The following ZNF510 variants were observed in gnomAD, a reference collection of about 807,000 sequenced individuals.
The protein encoded by ZNF510 is zinc finger protein 510.
Under a neutral mutation model 18.1 loss-of-function variants are expected in ZNF510, and 15 were observed. The observed-to-expected ratio is 0.83, with a 90% CI of 0.55 to 1.28. The LOEUF (loss-of-function observed/expected upper bound fraction) is 1.28, where lower values mean the gene tolerates loss of function less well. Ranked by LOEUF, ZNF510 falls within the 50% of genes most tolerant of loss-of-function variation. The pLI, the probability that ZNF510 is intolerant of heterozygous loss-of-function variation, is 0.00. For missense variants in ZNF510, 724 were observed against 791.8 expected (o/e 0.91, Z 1.03); for synonymous variants, 261 against 266.4 (o/e 0.98, Z 0.20).
chr9:96,757,014 C>A lies in ZNF510; in HGVS notation c.*1764G>T, dbSNP rs1225340832. On this transcript the variant is annotated 3_prime_UTR_variant, in exon 6 of 6. Transcript: ENST00000223428. ...CATAACTGTAGTATACTCTACTGGC[C>A]CAAAGTACCTCACCCATAAAGTTAT... is the stretch of plus-strand genomic sequence containing the variant. 1.3e-5 allele frequency: 2 copies of A among 152,180 alleles called. No homozygotes were observed. The highest frequency in any genetic ancestry group is 3.8e-4 in the East Asian group (2 of 5,196). The allele number at this position is 152,180 out of a possible 1,614,324, so 9.4% of individuals were successfully genotyped here. A position where few individuals can be genotyped will look rare whatever the true frequency, so the allele number is the denominator to read the frequency against.
chr9:96,776,370 C>T, intron 1 of ZNF510, 125 bp from the exon 2 acceptor site: 1 of 330,678 alleles, frequency 3.0e-6, no homozygotes, highest in Non-Finnish European at 5.5e-6. Flanking sequence ...CCATTTTGGG[C>T]TGGATAATCC....
Position 96,758,996 on chromosome 9 carries a change from T to G in ZNF510, c.1834A>C (p.Lys612Gln), listed in dbSNP as rs1260618089. The G allele has an allele frequency of 2.5e-6, 4 of 1,613,882 alleles. No individual in the cohort carries two copies. The highest frequency in any genetic ancestry group is 3.4e-6 in the Non-Finnish European group (4 of 1,179,952). The change falls in exon 6 of 6, where the codon AAA becomes CAA. Residue 612 changes from lysine to glutamine, a missense_variant. Lys to Gln is a moderately conservative substitution (Grantham distance 53, BLOSUM62 1). Transcript: ENST00000223428. ...CTCTGATGATCACTAAGGATTGCTT[T>G]CCGGACAAATTTCTTCCCACATTCA... ...CNECGKKFVRKAILSDHQRIH... is the reference protein window; with the variant it reads ...CNECGKKFVRQAILSDHQRIH...
intron 3 of ZNF510, among the ~76,000 whole-genome samples, chr9:96,770,114 A>C (rs1849555145): frequency 6.6e-6 from 1 of 152,228 alleles, no homozygotes. Flanking sequence ...TTGTACATGA[A>C]TGTTAATAGC....
chr9:96,764,116 G>T (rs1436340036), intron 3 of ZNF510, among the ~76,000 whole-genome samples: 1 of 151,992 alleles, frequency 6.6e-6, no homozygotes, highest in African/African-American at 2.4e-5. Context: ...GTTTATAAAT[G>T]ATCTATATAT....
At chr9:96,772,474 C>T (rs12337156) in intron 3 of ZNF510, among the ~76,000 whole-genome samples, 17,742 of 152,030 alleles carry the variant, frequency 0.12, 2,955 homozygotes, top group African/African-American at 0.37. Flanking sequence ...CCAAGAACAT[C>T]AGTAATGCAC....
intron 3 of ZNF510, among the ~76,000 whole-genome samples, chr9:96,765,716 T>C (rs1849453748): frequency 6.6e-6 from 1 of 152,174 alleles, no homozygotes; most frequent in East Asian, 1.9e-4. Context: ...TTTCACCATG[T>C]TGGCCATGAT....
At chr9:96,762,599 G>C (rs528049574) in intron 5 of ZNF510, among the ~76,000 whole-genome samples, 1 of 152,014 alleles carries the variant, frequency 6.6e-6, no homozygotes, top group Non-Finnish European at 1.5e-5. Flanking sequence ...CAGTGGATAA[G>C]GGTGTCTAAC....
chr9:96,769,241 C>A (rs1849536788), intron 3 of ZNF510, among the ~76,000 whole-genome samples: 1 of 152,016 alleles, frequency 6.6e-6, no homozygotes, highest in Admixed American at 6.6e-5. Flanking sequence ...TCATGACCAG[C>A]CTGGTCAACA....
In ZNF510 at chr9:96,760,257, A is replaced by G. The variant is rs1849313186; in HGVS notation, c.573T>C (p.Ile191=). The change falls in exon 6 of 6, where the codon ATT becomes ATC. Residue 191 remains isoleucine, a synonymous_variant. Coordinates refer to ENST00000223428, the MANE Select transcript of ZNF510 (RefSeq NM_014930.3). The part of the protein sequence containing the change: ...VNLQSISEFI[I]NNRNYSTKKI... ...TCTTTGTTGAATAGTTTCTATTATTAATGATAAATTCAGAAATACTTTGCA... is the reference window on the plus strand; with the variant it reads ...TCTTTGTTGAATAGTTTCTATTATTGATGATAAATTCAGAAATACTTTGCA... 2 of 1,612,746 alleles carry G rather than the reference A, an allele frequency of 1.2e-6. No homozygotes were observed. The highest frequency in any genetic ancestry group is 1.7e-6 in the Non-Finnish European group (2 of 1,179,316).
Position 96,758,822 on chromosome 9 carries a change from G to C in ZNF510, c.2008C>G (p.Leu670Val). Residue 670 changes from leucine (L) to valine (V), a missense_variant, in exon 6 of 6, where the codon CTA becomes GTA. Physicochemically the swap from Leu to Val is conservative, Grantham distance 32. Coordinates refer to ENST00000223428, the MANE Select transcript of ZNF510 (RefSeq NM_014930.3). ...CCCTGAATTTTCTGGTATAAGCTTA[G>C]GGTAGACTTCTTACATAATTTCCCA... is the stretch of plus-strand genomic sequence containing the variant. ...EYGKLCKKST[L>V]SLYQKIQGEG... The C allele has an allele frequency of 6.2e-7, 1 of 1,611,282 alleles. No homozygotes were observed. The highest frequency in any genetic ancestry group is 8.5e-7 in the Non-Finnish European group (1 of 1,178,400).
intron 3 of ZNF510, among the ~76,000 whole-genome samples, chr9:96,772,249 CA>C (rs1431828287): frequency 1.3e-5 from 2 of 152,052 alleles, no homozygotes; most frequent in East Asian, 3.8e-4. Context: ...CACCTTATAC[CA>C]AACACAAAAG....
Position 96,760,161 on chromosome 9 carries a change from C to A in ZNF510, c.669G>T (p.Glu223Asp), listed in dbSNP as rs779343485. Residue 223 changes from glutamate (E) to aspartate (D), a missense_variant, in exon 6 of 6, where the codon GAG becomes GAT. Transcript: ENST00000223428. ...TGTTTTTATTATGTTCATAAAATTTCTCTCCAGTCTGAGTTTTCTCAAAGT... is the reference window on the plus strand; with the variant it reads ...TGTTTTTATTATGTTCATAAAATTTATCTCCAGTCTGAGTTTTCTCAAAGT... ...KINFEKTQTG[E>D]KFYEHNKNMK... 1.2e-6 allele frequency: 2 copies of A among 1,612,236 alleles called. No individual in the cohort carries two copies. Among genetic ancestry groups the A allele is most frequent in the Admixed American group, 1.7e-5 (1 of 59,738 alleles).
chr9:96,772,597 T>G (rs10118931), intron 3 of ZNF510, among the ~76,000 whole-genome samples: 9,013 of 152,056 alleles, frequency 0.059, 868 homozygotes, highest in African/African-American at 0.2. Context: ...TAAAAAGAAA[T>G]GATGTCTAAA....
intron 3 of ZNF510, among the ~76,000 whole-genome samples, chr9:96,774,278 C>T (rs1042035744): frequency 2.6e-5 from 4 of 152,202 alleles, no homozygotes; most frequent in Non-Finnish European, 5.9e-5. Flanking sequence ...TCTACCTGAA[C>T]GTCTGTTTCC....
chr9:96,775,013 ATC>A (rs1178436717), intron 2 of ZNF510, among the ~76,000 whole-genome samples, 167 bp from the exon 3 acceptor site: 1 of 151,838 alleles, frequency 6.6e-6, no homozygotes, highest in African/African-American at 2.4e-5. Context: ...GAATATGTGC[ATC>A]TTTAATATGA....
chr9:96,758,861 C>G lies in ZNF510; in HGVS notation c.1969G>C (p.Glu657Gln). Residue 657 changes from glutamate (E) to glutamine (Q), a missense_variant, in exon 6 of 6, where the codon GAA (glutamate) becomes CAA (glutamine). Transcript: ENST00000223428. ...CATAATTTCCCATATTCATTGCATT[C>G]ATAAGATTTCTCCCCACTGTGAGTC... ...QRTHSGEKSY[E>Q]CNEYGKLCKK... 1 of 1,613,990 alleles carries G rather than the reference C, an allele frequency of 6.2e-7. No individual in the cohort carries two copies. Among genetic ancestry groups the G allele is most frequent in the Non-Finnish European group, 8.5e-7 (1 of 1,179,934 alleles).
intron 3 of ZNF510, among the ~76,000 whole-genome samples, chr9:96,765,116 A>AAACAAC (rs373245058): frequency 6.1e-4 from 92 of 151,902 alleles, no homozygotes; most frequent in Admixed American, 2.6e-3. Context: ...CTTGTATAAA[A>AAACAAC]AACAACAACA....
intron 3 of ZNF510, among the ~76,000 whole-genome samples, chr9:96,768,628 T>C (rs1849525012): frequency 6.6e-6 from 1 of 152,086 alleles, no homozygotes; most frequent in South Asian, 2.1e-4. Context: ...TAGGAATAAA[T>C]TTAACCAAGA....
intron 3 of ZNF510, among the ~76,000 whole-genome samples, chr9:96,765,409 A>T (rs1023139003): frequency 1.3e-5 from 2 of 152,084 alleles, no homozygotes; most frequent in Admixed American, 6.5e-5. Flanking sequence ...CAACAAGGTG[A>T]TCTGCTTTCT....
Sources: allele counts gnomAD v4.1 joint callset (sites outside exome capture counted in the v4.1 genomes callset), GRCh38; gene constraint gnomAD v4.1.1; transcripts MANE v1.5; gene names NCBI Gene and HGNC (gene_info 2026-07-23, HGNC 2026-07-21).